Variants in CELF3 observed in about 807,000 individuals in gnomAD.
CELF3 encodes CAG repeat domain.
Under a neutral mutation model 59.6 loss-of-function variants are expected in CELF3, and 26 were observed. The ratio of observed to expected loss-of-function variants is 0.44; its 90% CI spans 0.32 to 0.61. The LOEUF (loss-of-function observed/expected upper bound fraction) is 0.61. CELF3 is among the 20% of genes least tolerant of loss of function. The pLI is 0.06. For missense variants in CELF3, 387 were observed against 627.2 expected (o/e 0.62, Z 4.09); for synonymous variants, 245 against 250.7 (o/e 0.98, Z 0.22).
Position 151,707,230 on chromosome 1 carries a change from G to A in CELF3, c.837C>T (p.Val279=). 6.4e-7 allele frequency: 1 copy of A among 1,553,268 alleles called. No individual in the cohort carries two copies. Among genetic ancestry groups the A allele is most frequent in the Non-Finnish European group, 8.7e-7 (1 of 1,152,762 alleles). ...GGGTGGGCACCGGGCTGTAGCCGTT[G>A]ACGCCCAGGGCAGCCGGAATGGCAG... is the stretch of plus-strand genomic sequence containing the variant. ...PVSAIPAALG[V]NGYSPVPTQP... is the part of the protein sequence containing the mutation. The change falls in exon 8 of 13, where the codon GTC becomes GTT. Residue 279 remains valine, a synonymous_variant. Transcript: ENST00000290583.
At chr1:151,714,478 G>A (rs1234490133) in intron 2 of CELF3, 116 bp downstream of exon 2, 27 of 761,948 alleles carry the variant, frequency 3.5e-5, no homozygotes, top group Non-Finnish European at 6.3e-5. Flanking sequence ...GAGAGAGGGG[G>A]ACTTCCTGGT....
At position 151,703,325 on chromosome 1, in the gene CELF3, C is replaced by T; in HGVS notation, c.*134G>A. 1 of 453,254 alleles carries T rather than the reference C, an allele frequency of 2.2e-6. No individual in the cohort carries two copies. Among genetic ancestry groups the T allele is most frequent in the South Asian group, 1.6e-5 (1 of 64,346 alleles). The allele number at this position is 453,254 out of a possible 1,614,324, so 28.1% of individuals were successfully genotyped here. On this transcript the variant is annotated 3_prime_UTR_variant, in exon 13 of 13. Transcript: ENST00000290583. ...TGGGAGGGGCCGGTGTCTTGTGCCC[C>T]CGGGGGCCACGAAGCAGCGTTTGCC...
At chr1:151,710,355 G>C in intron 2 of CELF3, 1 of 280,312 alleles carries the variant, frequency 3.6e-6, no homozygotes, top group South Asian at 3.5e-5. Context: ...CCGTGGCAAC[G>C]GGAGAATGCG....
rs757141415 is a variant in CELF3 at position 151,714,186 on chromosome 1, C to T, written c.228+408G>A. Among the ~76,000 whole-genome samples the T allele has an allele frequency of 3.9e-5, 6 of 152,094 alleles. No homozygotes were observed. The East Asian group carries it at 7.7e-4, about 20-fold the overall frequency. ...GCTGCCTGTTCTCTGGGCACTCCTCCCTCATCTCACAGCCACCCAGCCTGC... is the reference window on the plus strand; with the variant it reads ...GCTGCCTGTTCTCTGGGCACTCCTCTCTCATCTCACAGCCACCCAGCCTGC... On this transcript the variant is annotated intron_variant, in intron 2 of 12. Transcript: ENST00000290583.
chr1:151,708,602 G>A (rs1005783942), intron 5 of CELF3, among the ~76,000 whole-genome samples: 8 of 152,172 alleles, frequency 5.3e-5, no homozygotes, highest in African/African-American at 1.9e-4. Context: ...GCTCTAGACT[G>A]GTCACTGACC....
intron 7 of CELF3, 90 bp from the exon 8 acceptor site, chr1:151,707,384 G>A: frequency 6.5e-7 from 1 of 1,534,054 alleles, no homozygotes; most frequent in Non-Finnish European, 8.8e-7. Context: ...GCAGAGGGGA[G>A]GAAGCAGGCC....
At chr1:151,715,814 G>T in intron 1 of CELF3, 62 bp downstream of exon 1, 1 of 1,594,870 alleles carries the variant, frequency 6.3e-7, no homozygotes, top group Non-Finnish European at 8.6e-7. Flanking sequence ...CTCCAGCCTG[G>T]CTTAACTTCC....
chr1:151,716,035 A>G lies in CELF3; in HGVS notation c.-15T>C. Reference sequence around the variant, plus strand: ...GGCTCCTTCATTGAGGCGGCCCAGGAGGAGGGGCCGAGGGGAGCAGGGAGA... The same window carrying G: ...GGCTCCTTCATTGAGGCGGCCCAGGGGGAGGGGCCGAGGGGAGCAGGGAGA... On this transcript the variant is annotated 5_prime_UTR_variant, in exon 1 of 13. Coordinates refer to ENST00000290583, the MANE Select transcript of CELF3 (RefSeq NM_007185.7). The G allele has an allele frequency of 6.2e-7, 1 of 1,605,236 alleles. No homozygotes were observed. The highest frequency in any genetic ancestry group is 8.5e-7 in the Non-Finnish European group (1 of 1,175,046).
In CELF3 at chr1:151,705,180, G is replaced by A. The variant is rs1330393261; in HGVS notation, c.1271-12C>T. On this transcript the variant is annotated splice_polypyrimidine_tract_variant and intron_variant, in intron 11 of 12. Coordinates refer to ENST00000290583, the MANE Select transcript of CELF3 (RefSeq NM_007185.7). This position sits in a 1 kb window ranked among gnomAD's most constrained non-coding sequence, Gnocchi z 5.1. ...GAAACTCACAAAGCCTGGGGTGAGA[G>A]GGGCATAAGGCCCGGCCCAGCCCCA... 1.2e-6 allele frequency: 2 copies of A among 1,609,754 alleles called. No homozygotes were observed. Among genetic ancestry groups the A allele is most frequent in the Non-Finnish European group, 1.7e-6 (2 of 1,177,132 alleles).
intron 2 of CELF3, among the ~76,000 whole-genome samples, chr1:151,712,570 A>G (rs1673114850): frequency 6.6e-6 from 1 of 151,566 alleles, no homozygotes; most frequent in Non-Finnish European, 1.5e-5. Flanking sequence ...GGCAACCCCC[A>G]CTCCACCACC....
At chr1:151,707,114 TG>T (rs777184493) in intron 8 of CELF3, 30 bp downstream of exon 8, 11 of 1,454,412 alleles carry the variant, frequency 7.6e-6, no homozygotes, top group Non-Finnish European at 1.0e-5. Flanking sequence ...AGATGGTTGC[TG>T]GGACGGAGTG....
chr1:151,700,646 T>C lies in CELF3; in HGVS notation c.*2813A>G, dbSNP rs538082762. On this transcript the variant is annotated 3_prime_UTR_variant, in exon 13 of 13. Coordinates refer to ENST00000290583, the MANE Select transcript of CELF3 (RefSeq NM_007185.7). The stretch of plus-strand genomic sequence containing the variant: ...ATAGACAGAAGGACCAATTAGGAAA[T>C]TGCTATGATTACTCAGTTAATAAGT... Among the ~76,000 whole-genome samples, 1 of 152,198 alleles carries C rather than the reference T, an allele frequency of 6.6e-6. No individual in the cohort carries two copies. The highest frequency in any genetic ancestry group is 6.5e-5 in the Admixed American group (1 of 15,280).
At chr1:151,708,272 C>G (rs1461112887) in intron 5 of CELF3, 1 of 281,000 alleles carries the variant, frequency 3.6e-6, no homozygotes, top group East Asian at 7.3e-5. Flanking sequence ...TGTTTAATCT[C>G]AGGCTAGTCT....
Position 151,707,725 on chromosome 1 carries a change from A to G in CELF3, c.630+67T>C, listed in dbSNP as rs1470218923. Reference sequence around the variant, plus strand: ...CTCCCTCCCAGCCCGGGGCCTTGGCATCGGGAGGGTGGGGGCAAGATACAG... The same window carrying G: ...CTCCCTCCCAGCCCGGGGCCTTGGCGTCGGGAGGGTGGGGGCAAGATACAG... On this transcript the variant is annotated intron_variant, in intron 6 of 12. Transcript: ENST00000290583. 1.2e-5 allele frequency: 19 copies of G among 1,600,414 alleles called. No individual in the cohort carries two copies. The Admixed American group carries it at 2.5e-4, about 21-fold the overall frequency.
chr1:151,714,321 T>C (rs1436118986), intron 2 of CELF3: 3 of 602,350 alleles, frequency 5.0e-6, no homozygotes, highest in Non-Finnish European at 8.9e-6. Context: ...CTCCCTCTAG[T>C]GTTGCCCCAT....
intron 10 of CELF3, 66 bp downstream of exon 10, chr1:151,706,158 G>A (rs1255922312): frequency 1.4e-5 from 22 of 1,609,784 alleles, no homozygotes; most frequent in East Asian, 1.3e-4. Flanking sequence ...GGCTCAGCGC[G>A]GGGTGACAGG....
rs12405256 is a variant in CELF3 at position 151,707,920 on chromosome 1, G to C, written c.502C>G (p.Leu168Val). 1 of 1,612,530 alleles carries C rather than the reference G, an allele frequency of 6.2e-7. No individual in the cohort carries two copies. ...TCAGTGTCAGCAAACTTCACCACCA[G>C]GCTGGACGAGGCACCCTGGGCACGG... ...SRTLPGASSS[L>V]VVKFADTEKE... The change falls in exon 6 of 13, where the codon CTG (leucine) becomes GTG (valine). Residue 168 changes from leucine to valine, a missense_variant. Coordinates refer to ENST00000290583, the MANE Select transcript of CELF3 (RefSeq NM_007185.7).
At chr1:151,710,066 T>G (rs757349953) in intron 2 of CELF3, 15 of 480,450 alleles carry the variant, frequency 3.1e-5, no homozygotes, top group Non-Finnish European at 4.9e-5. Flanking sequence ...GCTGCTGTCC[T>G]GAGTGGGAGA....
At chr1:151,708,040 C>T (rs1672722129) in intron 5 of CELF3, 105 bp from the exon 6 acceptor site, 1 of 1,358,806 alleles carries the variant, frequency 7.4e-7, no homozygotes. Flanking sequence ...ATGGCTTGGC[C>T]TCTCTGAGAG....
Sources: allele counts gnomAD v4.1 joint callset (sites outside exome capture counted in the v4.1 genomes callset), GRCh38; gene constraint gnomAD v4.1.1; non-coding constraint Gnocchi (gnomAD v3.1); transcripts MANE v1.5; gene names NCBI Gene and HGNC (gene_info 2026-07-23, HGNC 2026-07-21).